ARHGEF10L: variants seen among roughly 807,000 people sequenced by gnomAD.
ARHGEF10L encodes the protein rho guanine nucleotide exchange factor 10-like protein.
In ARHGEF10L, 69 loss-of-function variants were observed where a neutral mutation model predicts 141.2. That is an observed-to-expected ratio of 0.49 (90% CI 0.40 to 0.60). The LOEUF (loss-of-function observed/expected upper bound fraction) is 0.60, where lower values mean the gene tolerates loss of function less well. ARHGEF10L is among the 20% of genes least tolerant of loss of function. The probability of loss-of-function intolerance (pLI) is 0.00; values close to 1 mark genes in which losing one functional copy is unlikely to be tolerated. For synonymous variants in ARHGEF10L, 711 were observed against 718.5 expected, an observed-to-expected ratio of 0.99 and a Z score of 0.17; for missense variants, 1,482 against 1,734.3, an observed-to-expected ratio of 0.85 and a Z score of 2.58.
chr1:17,573,844 G>A lies in ARHGEF10L; in HGVS notation c.-43-6709G>A, dbSNP rs1339687400. Among the ~76,000 whole-genome samples, 3 of 150,120 alleles carry A rather than the reference G, an allele frequency of 2.0e-5. No homozygotes were observed. Among genetic ancestry groups the A allele is most frequent in the Non-Finnish European group, 4.5e-5 (3 of 66,858 alleles). On this transcript the variant is annotated intron_variant, in intron 1 of 28. Transcript: ENST00000361221. This position sits in a 1 kb window ranked among gnomAD's most constrained non-coding sequence, Gnocchi z 4.8. ...CTAGGAGGTCAGTGCGGGAGGGTGG[G>A]TGCCACCGACTCTGGGCTCAGGACA...
At chr1:17,674,883 A>G (rs567516453) in intron 26 of ARHGEF10L, among the ~76,000 whole-genome samples, 1 of 152,326 alleles carries the variant, frequency 6.6e-6, no homozygotes, top group Admixed American at 6.5e-5. Flanking sequence ...GCTGTACAGC[A>G]TGACTTAGGT....
chr1:17,647,813 A>G (rs1571237991), intron 21 of ARHGEF10L, among the ~76,000 whole-genome samples: 1 of 152,290 alleles, frequency 6.6e-6, no homozygotes, highest in African/African-American at 2.4e-5. Flanking sequence ...ACATGTGAGC[A>G]GAGCCCCGAG....
chr1:17,543,322 C>A (rs1226384425), intron 1 of ARHGEF10L, among the ~76,000 whole-genome samples: 1 of 152,176 alleles, frequency 6.6e-6, no homozygotes, highest in Non-Finnish European at 1.5e-5. Flanking sequence ...ATGGCTCATG[C>A]GTGTAATCCC....
At chr1:17,521,977 C>G in the ARHGEF10L span, among the ~76,000 whole-genome samples, 3 of 152,186 alleles carry the variant, frequency 2.0e-5, no homozygotes, top group Admixed American at 1.3e-4. Flanking sequence ...CTTACGTAGC[C>G]CCCAGCTACC....
chr1:17,661,963 G>A (rs2062658602), intron 25 of ARHGEF10L, among the ~76,000 whole-genome samples: 1 of 152,096 alleles, frequency 6.6e-6, no homozygotes, highest in Admixed American at 6.5e-5. Context: ...AAACCCGTCT[G>A]GCCTGTCACC....
chr1:17,578,134 A>G (rs1245987506), intron 1 of ARHGEF10L, among the ~76,000 whole-genome samples: 1 of 152,144 alleles, frequency 6.6e-6, no homozygotes, highest in Non-Finnish European at 1.5e-5. Context: ...TCCTTCTGTA[A>G]AATGGGTATA....
chr1:17,615,071 A>G lies in ARHGEF10L; in HGVS notation c.727-1023A>G, dbSNP rs1170087374. ...CCACGTGGCTCTTTAAATGGAAATTAACTAAAAGTAAATATAATTAGAAAT... is the reference window on the plus strand; with the variant it reads ...CCACGTGGCTCTTTAAATGGAAATTGACTAAAAGTAAATATAATTAGAAAT... On this transcript the variant is annotated intron_variant, in intron 8 of 28. Coordinates refer to ENST00000361221, the MANE Select transcript of ARHGEF10L (RefSeq NM_018125.4). This position sits in a 1 kb window ranked among gnomAD's most constrained non-coding sequence, Gnocchi z 4.7. The G allele has an allele frequency of 6.6e-6, 1 of 152,242 alleles. No homozygotes were observed. Among genetic ancestry groups the G allele is most frequent in the Non-Finnish European group, 1.5e-5 (1 of 68,046 alleles). 9.4% of individuals were successfully genotyped at this position (152,242 alleles called of 1,614,324 possible).
intron 4 of ARHGEF10L, among the ~76,000 whole-genome samples, chr1:17,596,822 C>T (rs955460024): frequency 6.6e-6 from 1 of 152,190 alleles, no homozygotes; most frequent in Non-Finnish European, 1.5e-5. Flanking sequence ...GGATCCGAGG[C>T]AGGTGGGTCA....
At chr1:17,679,699 C>T (rs113794258) in intron 26 of ARHGEF10L, among the ~76,000 whole-genome samples, 3 of 152,324 alleles carry the variant, frequency 2.0e-5, no homozygotes, top group Non-Finnish European at 2.9e-5. Context: ...TCAGTGCAGC[C>T]GTGCAGAGCG....
At chr1:17,549,941 A>G (rs1350644965) in intron 1 of ARHGEF10L, among the ~76,000 whole-genome samples, 1 of 152,206 alleles carries the variant, frequency 6.6e-6, no homozygotes, top group Non-Finnish European at 1.5e-5. Flanking sequence ...GGTCCAGCAA[A>G]CAAGACTACG....
chr1:17,608,104 G>A (rs890912725), intron 7 of ARHGEF10L, 127 bp downstream of exon 7: 23 of 1,026,554 alleles, frequency 2.2e-5, no homozygotes, highest in Middle Eastern at 3.4e-4. Flanking sequence ...AGGGATTCCC[G>A]GGTATGTGTG....
At chr1:17,599,331 CA>C (rs57490972) in intron 4 of ARHGEF10L, among the ~76,000 whole-genome samples, 3,170 of 103,912 alleles carry the variant, frequency 0.031, 82 homozygotes, top group African/African-American at 0.1. Context: ...GTGAGACTGT[CA>C]AAAAAAAAAA....
intron 26 of ARHGEF10L, among the ~76,000 whole-genome samples, chr1:17,676,914 C>G (rs1166341794): frequency 6.6e-6 from 1 of 151,920 alleles, no homozygotes; most frequent in East Asian, 1.9e-4. Context: ...CTCCATGGAG[C>G]CCAACTGCCT....
chr1:17,696,791 C>A, intron 28 of ARHGEF10L, 57 bp from the exon 29 acceptor site: 2 of 1,438,924 alleles, frequency 1.4e-6, no homozygotes, highest in Non-Finnish European at 1.9e-6. Context: ...GACTCAGGTG[C>A]TTCCCTTAAT....
intron 1 of ARHGEF10L, among the ~76,000 whole-genome samples, chr1:17,553,607 C>T (rs543030531): frequency 1.3e-5 from 2 of 151,958 alleles, no homozygotes; most frequent in African/African-American, 2.4e-5. Flanking sequence ...CATAGTGAGA[C>T]CCCATCTTTA....
At chr1:17,557,725 C>T (rs1051724672) in intron 1 of ARHGEF10L, among the ~76,000 whole-genome samples, 14 of 152,134 alleles carry the variant, frequency 9.2e-5, no homozygotes, top group East Asian at 1.9e-4. Flanking sequence ...GGCCTAGGTC[C>T]GGGGAAGGAC....
chr1:17,524,767 T>G, the ARHGEF10L span, among the ~76,000 whole-genome samples: 2 of 152,124 alleles, frequency 1.3e-5, no homozygotes, highest in African/African-American at 2.4e-5. Flanking sequence ...CCCATCATGT[T>G]GAGAGGCAGC....
At chr1:17,519,801 C>T in the ARHGEF10L span, among the ~76,000 whole-genome samples, 1 of 151,580 alleles carries the variant, frequency 6.6e-6, no homozygotes, top group African/African-American at 2.4e-5. Context: ...CAAGATCGCA[C>T]CATTTTACTC....
chr1:17,629,431 T>TGGCTCA (rs1472738744), intron 15 of ARHGEF10L, among the ~76,000 whole-genome samples: 2 of 152,184 alleles, frequency 1.3e-5, no homozygotes, highest in Non-Finnish European at 2.9e-5. Flanking sequence ...TAGGAAGAGC[T>TGGCTCA]GGCTCACCGA....
Sources: allele counts gnomAD v4.1 joint callset (sites outside exome capture counted in the v4.1 genomes callset), GRCh38; gene constraint gnomAD v4.1.1; non-coding constraint Gnocchi (gnomAD v3.1); transcripts MANE v1.5; gene names NCBI Gene and HGNC (gene_info 2026-07-23, HGNC 2026-07-21).